Variants in FGD2 observed in about 807,000 individuals in gnomAD.
FGD2 encodes FYVE, RhoGEF and PH domain-containing protein 2.
FGD2 carries 52 observed loss-of-function variants against 75.9 expected under a neutral mutation model. That is an observed-to-expected ratio of 0.69 (90% CI 0.55 to 0.86). The LOEUF (loss-of-function observed/expected upper bound fraction) is 0.86, where lower values mean the gene tolerates loss of function less well. Among genes scored for constraint, FGD2 ranks in the 40% least tolerant of loss-of-function variants. The pLI, the probability that FGD2 is intolerant of heterozygous loss-of-function variation, is 0.00. For missense variants in FGD2, 790 were observed against 872.0 expected, an observed-to-expected ratio of 0.91 and a Z score of 1.18; for synonymous variants, 347 against 348.6, an observed-to-expected ratio of 1.00 and a Z score of 0.05.
At chr6:37,026,002 C>A in intron 14 of FGD2, 64 bp downstream of exon 14, 1 of 1,586,916 alleles carries the variant, frequency 6.3e-7, no homozygotes, top group Non-Finnish European at 8.6e-7. Context: ...GCCCGGCAAC[C>A]ATGCTGGGCT....
intron 1 of FGD2, among the ~76,000 whole-genome samples, chr6:37,007,911 G>A (rs1013392029): frequency 6.6e-6 from 1 of 152,094 alleles, no homozygotes; most frequent in Admixed American, 6.6e-5. Flanking sequence ...TGTCACTTGG[G>A]GCAAGTCACT....
chr6:37,013,423 C>G, intron 4 of FGD2, 186 bp from the exon 5 acceptor site: 1 of 1,398,686 alleles, frequency 7.1e-7, no homozygotes, highest in Non-Finnish European at 9.3e-7. Context: ...CCTTTGGCCT[C>G]AGGAGGCTCA....
At chr6:37,027,818 A>C in intron 15 of FGD2, 130 bp from the exon 16 acceptor site, 2 of 1,147,164 alleles carry the variant, frequency 1.7e-6, no homozygotes, top group Non-Finnish European at 1.2e-6. Context: ...GATGGCCTTC[A>C]CCAGCCCACC....
At chr6:37,015,979 C>A in intron 9 of FGD2, 119 bp downstream of exon 9, 1 of 900,136 alleles carries the variant, frequency 1.1e-6, no homozygotes, top group Non-Finnish European at 1.7e-6. Context: ...AGGGCCTGGG[C>A]AAACATGGAG....
At chr6:37,027,825 C>T (rs1275968733) in intron 15 of FGD2, 123 bp from the exon 16 acceptor site, 3 of 1,189,746 alleles carry the variant, frequency 2.5e-6, no homozygotes, top group African/African-American at 3.1e-5. Flanking sequence ...TTCACCAGCC[C>T]ACCCCCAACC....
chr6:37,018,183 GA>G (rs1399765895), intron 9 of FGD2, among the ~76,000 whole-genome samples: 1 of 152,186 alleles, frequency 6.6e-6, no homozygotes, highest in Non-Finnish European at 1.5e-5. Flanking sequence ...AAGAAATATA[GA>G]AACCAAAACA....
chr6:37,005,816 G>A lies in FGD2; in HGVS notation c.-2G>A. Reference sequence around the variant, plus strand: ...CTGAGATCCACCCCGGAAACCGGCAGGATGAAGGGGGCAAGTGAGGAGAAG... The same window carrying A: ...CTGAGATCCACCCCGGAAACCGGCAAGATGAAGGGGGCAAGTGAGGAGAAG... On this transcript the variant is annotated 5_prime_UTR_variant, in exon 1 of 16. Transcript: ENST00000274963. 1.2e-6 allele frequency: 2 copies of A among 1,613,774 alleles called. No homozygotes were observed. Among genetic ancestry groups the A allele is most frequent in the Non-Finnish European group, 1.7e-6 (2 of 1,179,956 alleles).
chr6:37,020,295 C>G (rs2150779779), intron 9 of FGD2, among the ~76,000 whole-genome samples: 1 of 146,238 alleles, frequency 6.8e-6, no homozygotes, highest in South Asian at 2.2e-4. Flanking sequence ...CCACGTCACA[C>G]TGGGTCAACT....
intron 4 of FGD2, 91 bp from the exon 5 acceptor site, chr6:37,013,517 TG>T: frequency 3.3e-6 from 5 of 1,526,016 alleles, no homozygotes; most frequent in Non-Finnish European, 4.4e-6. Flanking sequence ...AAGTTTGCTT[TG>T]GGGGATTCAG....
intron 9 of FGD2, 140 bp from the exon 10 acceptor site, chr6:37,020,401 G>A (rs1765518660): frequency 3.9e-6 from 3 of 775,170 alleles, no homozygotes; most frequent in Admixed American, 4.9e-5. Context: ...GATTAGAGAG[G>A]TGGCGAACAA....
intron 12 of FGD2, 192 bp downstream of exon 12, chr6:37,021,796 C>G: frequency 1.7e-6 from 1 of 577,210 alleles, no homozygotes; most frequent in East Asian, 2.9e-5. Flanking sequence ...GCAAAACTTC[C>G]TTTGAGAGCC....
chr6:37,020,406 G>A (rs1233685308), intron 9 of FGD2, 135 bp from the exon 10 acceptor site: 9 of 832,106 alleles, frequency 1.1e-5, no homozygotes, highest in South Asian at 8.5e-5. Flanking sequence ...GAGAGGTGGC[G>A]AACAAGCTCT....
At chr6:37,008,300 C>T (rs1430306957) in intron 1 of FGD2, among the ~76,000 whole-genome samples, 4 of 152,134 alleles carry the variant, frequency 2.6e-5, no homozygotes. Flanking sequence ...TAAAGGTGAC[C>T]TACGAAGGCC....
At chr6:37,017,034 C>G (rs1765332954) in intron 9 of FGD2, among the ~76,000 whole-genome samples, 1 of 152,080 alleles carries the variant, frequency 6.6e-6, no homozygotes, top group African/African-American at 2.4e-5. Context: ...AAACCAATAA[C>G]ATATAATAGG....
intron 10 of FGD2, 34 bp downstream of exon 10, chr6:37,020,654 C>A (rs778296854): frequency 1.3e-6 from 2 of 1,586,158 alleles, no homozygotes; most frequent in Admixed American, 1.8e-5. Flanking sequence ...CAGGGCCAGG[C>A]GGGAAAACTG....
rs1234585956 is a variant in FGD2 at position 37,008,894 on chromosome 6, C to T, written c.129C>T (p.Cys43=). The part of the protein sequence containing the change: ...RLEDVHHRPE[C]RPPESPGPRE... ...AGGACGTGCATCACCGCCCTGAGTGCAGGCCTCCCGAGTCCCCAGGACCAC... is the reference window on the plus strand; with the variant it reads ...AGGACGTGCATCACCGCCCTGAGTGTAGGCCTCCCGAGTCCCCAGGACCAC... The change falls in exon 2 of 16, where the codon TGC becomes TGT. Residue 43 remains cysteine (C), a synonymous_variant. Coordinates refer to ENST00000274963, the MANE Select transcript of FGD2 (RefSeq NM_173558.4). 1.2e-6 allele frequency: 2 copies of T among 1,614,036 alleles called. No homozygotes were observed.
At position 37,011,796 on chromosome 6, in the gene FGD2, A is replaced by C. The variant is rs1446080212; in HGVS notation, c.469A>C (p.Ile157Leu). ...GGTCATCTTCTCCAACATCTCCTCC[A>C]TCTATCAGTTCCATTCTCAGTTCTT... ...VRVIFSNISS[I>L]YQFHSQFFLP... Residue 157 changes from isoleucine to leucine, a missense_variant, in exon 4 of 16, where the codon ATC (isoleucine) becomes CTC (leucine). Physicochemically the swap from Ile to Leu is conservative, Grantham distance 5. Transcript: ENST00000274963. 1 of 1,613,976 alleles carries C rather than the reference A, an allele frequency of 6.2e-7. No individual in the cohort carries two copies. The highest frequency in any genetic ancestry group is 1.3e-5 in the African/African-American group (1 of 74,924).
At chr6:37,017,158 G>C (rs530657152) in intron 9 of FGD2, among the ~76,000 whole-genome samples, 1 of 151,682 alleles carries the variant, frequency 6.6e-6, no homozygotes, top group South Asian at 2.1e-4. Context: ...CCCTGTACTT[G>C]AGAGCTTCCT....
chr6:37,025,897 C>T lies in FGD2; in HGVS notation c.1564C>T (p.Leu522=). ...HCYAFLTGNV[L]PEAKEDKRRG... ...CTACGCATTCCTCACTGGAAATGTG[C>T]TGCCTGAGGCCAAGGAGGACAAGAG... Residue 522 remains leucine (L), a synonymous_variant, in exon 14 of 16, where the codon CTG becomes TTG. Coordinates refer to ENST00000274963, the MANE Select transcript of FGD2 (RefSeq NM_173558.4). 10 of 1,614,232 alleles carry T rather than the reference C, an allele frequency of 6.2e-6. No homozygotes were observed. Among genetic ancestry groups the T allele is most frequent in the Non-Finnish European group, 8.5e-6 (10 of 1,180,036 alleles).
Sources: gnomAD v4.1 joint callset for allele counts (sites outside exome capture counted in the v4.1 genomes callset) on GRCh38, gnomAD v4.1.1 for gene constraint, MANE v1.5 for transcripts, NCBI Gene and HGNC (gene_info 2026-07-23, HGNC 2026-07-21) for gene names.